The following AKTIP variants were observed in gnomAD, a reference collection of about 807,000 sequenced individuals.
AKTIP encodes the protein AKT-interacting protein.
In AKTIP, 16 loss-of-function variants were observed where a neutral mutation model predicts 39.1. That is an observed-to-expected ratio of 0.41 (90% CI 0.28 to 0.62). The LOEUF (loss-of-function observed/expected upper bound fraction) is 0.62. Among genes scored for constraint, AKTIP ranks in the 20% least tolerant of loss-of-function variants. The pLI, the probability that AKTIP is intolerant of heterozygous loss-of-function variation, is 0.32. For synonymous variants in AKTIP, 93 were observed against 124.3 expected (o/e 0.75, Z 1.67); for missense variants, 262 against 356.6 (o/e 0.73, Z 2.14).
intron 3 of AKTIP, among the ~76,000 whole-genome samples, chr16:53,497,245 C>A (rs1315904833): frequency 6.6e-6 from 1 of 152,216 alleles, no homozygotes; most frequent in African/African-American, 2.4e-5. Flanking sequence ...GTGCCAGGCA[C>A]CACAGGGTCG....
chr16:53,496,606 G>A (rs1188597161), intron 3 of AKTIP, among the ~76,000 whole-genome samples: 1 of 151,506 alleles, frequency 6.6e-6, no homozygotes, highest in African/African-American at 2.4e-5. Context: ...GCCAAGGCAG[G>A]CAGATCACTT....
In AKTIP at chr16:53,500,263, G is replaced by A. The variant is rs771151127; in HGVS notation, c.-4C>T. On this transcript the variant is annotated 5_prime_UTR_variant, in exon 2 of 10. It adds an upstream start codon to the 5' untranslated region. Transcript: ENST00000394657. ...ACATGCTCCAGAAAGGGTTCATAAC[G>A]TGTATTCCAAACAAAGAAAGTCAGT... The A allele has an allele frequency of 2.6e-5, 42 of 1,612,252 alleles. No homozygotes were observed. Among genetic ancestry groups the A allele is most frequent in the Non-Finnish European group, 3.2e-5 (38 of 1,179,424 alleles).
At chr16:53,496,499 CTTTTTTT>C (rs576422100) in intron 3 of AKTIP, among the ~76,000 whole-genome samples, 1 of 79,018 alleles carries the variant, frequency 1.3e-5, no homozygotes, top group South Asian at 4.1e-4. Context: ...GTCAAGGATG[CTTTTTTT>C]TTTTTTTTTT....
At chr16:53,492,658 T>C (rs1961560411) in intron 9 of AKTIP, 35 bp downstream of exon 9, 2 of 1,610,396 alleles carry the variant, frequency 1.2e-6, no homozygotes. Context: ...AAAGAAACAA[T>C]GAGTTAGCCA....
At chr16:53,504,078 A>G (rs1257027137), upstream of AKTIP, among the ~76,000 whole-genome samples, 1 of 147,706 alleles carries the variant, frequency 6.8e-6, no homozygotes, top group Non-Finnish European at 1.5e-5. Flanking sequence ...ATAGCAACAT[A>G]GTTCCTGGTC....
chr16:53,499,711 C>T lies in AKTIP; in HGVS notation c.42+507G>A, dbSNP rs548957007. Among the ~76,000 whole-genome samples, 10 of 152,136 alleles carry T rather than the reference C, an allele frequency of 6.6e-5. No homozygotes were observed. The South Asian group carries it at 8.3e-4, about 13-fold the overall frequency. On this transcript the variant is annotated intron_variant, in intron 2 of 9. Coordinates refer to ENST00000394657, the MANE Select transcript of AKTIP (RefSeq NM_022476.4). ...TCCTGACCTCGTGATCTGCCCGCCT[C>T]GGCCTCTCAAAGTGCTGGGGATTAC...
intron 2 of AKTIP, 87 bp from the exon 3 acceptor site, chr16:53,498,683 G>T: frequency 7.6e-7 from 1 of 1,318,156 alleles, no homozygotes; most frequent in Non-Finnish European, 1.1e-6. Flanking sequence ...CTAAATGCTG[G>T]AATTACTCCT....
chr16:53,491,217 T>C lies in AKTIP; in HGVS notation c.*1195A>G, dbSNP rs1961425546. ...GATTAATATGAAAACTTATGACCTC[T>C]TCCTTTAGGAGGGAGTTATCTAAAA... On this transcript the variant is annotated 3_prime_UTR_variant, in exon 10 of 10. Coordinates refer to ENST00000394657, the MANE Select transcript of AKTIP (RefSeq NM_022476.4). 6.6e-6 allele frequency: 1 copy of C among 152,236 alleles called. No individual in the cohort carries two copies. The highest frequency in any genetic ancestry group is 1.5e-5 in the Non-Finnish European group (1 of 68,032). The allele number at this position is 152,236 out of a possible 1,614,324, so 9.4% of individuals were successfully genotyped here.
rs1567757673 is a variant in AKTIP, at chr16:53,495,254, C to G, written c.313+8G>C. On this transcript the variant is annotated splice_region_variant and intron_variant, in intron 4 of 9. Coordinates refer to ENST00000394657, the MANE Select transcript of AKTIP (RefSeq NM_022476.4). ...TGCCCATAAATTAAGAGTGAATCCT[C>G]ATCTTACTTAATGCAGAGCGATAAG... 2 of 1,614,134 alleles carry G rather than the reference C, an allele frequency of 1.2e-6. No individual in the cohort carries two copies. Among genetic ancestry groups the G allele is most frequent in the Non-Finnish European group, 1.7e-6 (2 of 1,179,974 alleles).
At chr16:53,495,051 C>G in intron 5 of AKTIP, 22 bp downstream of exon 5, 1 of 1,602,074 alleles carries the variant, frequency 6.2e-7, no homozygotes, top group Non-Finnish European at 8.6e-7. Context: ...ACAAATAAAG[C>G]CAGACTGTGT....
Position 53,491,393 on chromosome 16 carries a change from A to T in AKTIP, c.*1019T>A, listed in dbSNP as rs1460659179. 6.6e-6 allele frequency: 1 copy of T among 152,288 alleles called. No individual in the cohort carries two copies. The highest frequency in any genetic ancestry group is 1.5e-5 in the Non-Finnish European group (1 of 68,036). The allele number at this position is 152,288 out of a possible 1,614,324, so 9.4% of individuals were successfully genotyped here. ...TATTTAACAGCTGAATTATCTATAC[A>T]TATCTTTATTAATCACTATTGTTCC... On this transcript the variant is annotated 3_prime_UTR_variant, in exon 10 of 10. Transcript: ENST00000394657.
In AKTIP at chr16:53,498,412, T is replaced by G; in HGVS notation, c.227A>C (p.Glu76Ala). The G allele has an allele frequency of 6.2e-7, 1 of 1,613,954 alleles. No homozygotes were observed. Among genetic ancestry groups the G allele is most frequent in the South Asian group, 1.1e-5 (1 of 91,074 alleles). ...THASYGPFYL[E>A]YSLLAEFTLV... ...TTACAATTCTGCAAGAAGAGAGTAT[T>G]CCAGGTAGAAGGGTCCATAGGACGC... is the stretch of plus-strand genomic sequence containing the variant. The change falls in exon 3 of 10, where the codon GAA becomes GCA. Residue 76 changes from glutamate to alanine, a missense_variant. By Grantham distance (107) the Glu-to-Ala change is moderately radical. Coordinates refer to ENST00000394657, the MANE Select transcript of AKTIP (RefSeq NM_022476.4).
At chr16:53,502,083 A>G (rs571775811) in intron 1 of AKTIP, among the ~76,000 whole-genome samples, 91 of 152,330 alleles carry the variant, frequency 6.0e-4, no homozygotes, top group African/African-American at 2.1e-3. Context: ...GCAAACCTGT[A>G]AAGTCTCTTA....
At chr16:53,494,880 C>T (rs1294876784) in intron 5 of AKTIP, 193 bp downstream of exon 5, 2 of 737,990 alleles carry the variant, frequency 2.7e-6, no homozygotes, top group East Asian at 5.4e-5. Flanking sequence ...GCCTCCCTTG[C>T]AGACCCTGAG....
intron 1 of AKTIP, chr16:53,501,261 A>G (rs1356285174): frequency 6.6e-6 from 1 of 152,250 alleles, no homozygotes; most frequent in African/African-American, 2.4e-5. Context: ...ACTTCGAAAC[A>G]TATAGAAACT....
At position 53,494,340 on chromosome 16, in the gene AKTIP, G is replaced by C; in HGVS notation, c.601C>G (p.Leu201Val). 6.2e-7 allele frequency: 1 copy of C among 1,613,948 alleles called. No homozygotes were observed. Among genetic ancestry groups the C allele is most frequent in the Non-Finnish European group, 8.5e-7 (1 of 1,179,870 alleles). Reference sequence around the variant, plus strand: ...AATAACAAAGCAAAAGTTACATACAGTACTGCAGCCTCTGGGTTCAGGGGG... The same window carrying C: ...AATAACAAAGCAAAAGTTACATACACTACTGCAGCCTCTGGGTTCAGGGGG... Reference protein sequence around the residue: ...ASPLNPEAAVLYEKDIQLFKS... With the variant: ...ASPLNPEAAVVYEKDIQLFKS... Residue 201 changes from leucine (L) to valine (V), a missense_variant and splice_region_variant, in exon 7 of 10, where the codon CTG becomes GTG. Transcript: ENST00000394657.
intron 3 of AKTIP, among the ~76,000 whole-genome samples, chr16:53,497,124 C>T (rs567715140): frequency 6.6e-6 from 1 of 152,180 alleles, no homozygotes; most frequent in Non-Finnish European, 1.5e-5. Context: ...TAACTGTATA[C>T]AAAGGAATTT....
chr16:53,495,361 T>C (rs1243534844), intron 3 of AKTIP, 35 bp from the exon 4 acceptor site: 5 of 1,605,870 alleles, frequency 3.1e-6, no homozygotes, highest in Non-Finnish European at 4.3e-6. Context: ...CTTGTGTGGA[T>C]ACAAATGACA....
At chr16:53,495,523 G>C (rs1961778846) in intron 3 of AKTIP, among the ~76,000 whole-genome samples, 197 bp from the exon 4 acceptor site, 2 of 152,280 alleles carry the variant, frequency 1.3e-5, no homozygotes, top group African/African-American at 4.8e-5. Flanking sequence ...GCCCACTACT[G>C]GCCTCATAGC....
Sources: gnomAD v4.1 joint callset for allele counts (sites outside exome capture counted in the v4.1 genomes callset) on GRCh38, gnomAD v4.1.1 for gene constraint, MANE v1.5 for transcripts, NCBI Gene and HGNC (gene_info 2026-07-23, HGNC 2026-07-21) for gene names.